The following MLXIPL variants were observed in gnomAD, a reference collection of about 807,000 sequenced individuals.
The protein encoded by MLXIPL is MLX interacting protein like, also known as carbohydrate-responsive element-binding protein.
A neutral mutation model predicts 81.5 loss-of-function variants in MLXIPL; 49 were observed. The ratio of observed to expected loss-of-function variants is 0.60; its 90% CI spans 0.48 to 0.76. The LOEUF (loss-of-function observed/expected upper bound fraction) is 0.76, where lower values mean the gene tolerates loss of function less well. Among genes scored for constraint, MLXIPL ranks in the 30% least tolerant of loss-of-function variants. The pLI is 0.00. For synonymous variants in MLXIPL, 466 were observed against 485.5 expected, an observed-to-expected ratio of 0.96 and a Z score of 0.53; for missense variants, 1,053 against 1,167.0, an observed-to-expected ratio of 0.90 and a Z score of 1.42.
At chr7:73,637,560 C>G in the MLXIPL span, among the ~76,000 whole-genome samples, 2 of 152,104 alleles carry the variant, frequency 1.3e-5, no homozygotes, top group South Asian at 4.1e-4. Context: ...ACTCATATGT[C>G]CTTTGCCAAT....
At chr7:73,616,273 G>A (rs1796004035) in intron 1 of MLXIPL, 96 bp from the exon 2 acceptor site, 17 of 1,106,506 alleles carry the variant, frequency 1.5e-5, no homozygotes, top group Non-Finnish European at 2.0e-5. Flanking sequence ...ATCTATGGTT[G>A]GCATTTGAGG....
rs2116183381 is a variant in MLXIPL, at chr7:73,596,649, T to G, written c.1812A>C (p.Pro604=). ...LVPKAERLSP[P]APSGSERRLS... ...AACCCCTCTCTTTACCGCTGGGCGC[T>G]GGGGGTGAGAGCCGCTCCGCTTTGG... Residue 604 remains proline (P), a synonymous_variant, in exon 11 of 17, where the codon CCA becomes CCC. Transcript: ENST00000313375. This position sits in a 1 kb window ranked among gnomAD's most constrained non-coding sequence, Gnocchi z 4.7. 1 of 1,595,652 alleles carries G rather than the reference T, an allele frequency of 6.3e-7. No homozygotes were observed. The highest frequency in any genetic ancestry group is 8.5e-7 in the Non-Finnish European group (1 of 1,171,004).
Position 73,597,200 on chromosome 7 carries a change from T to C in MLXIPL, c.1585A>G (p.Thr529Ala). ...CCCTCACCTGCTGTGAGCAGCTGTG[T>C]GAGGCAGGGGTTGTTGCTCCCCGCA... ...TTAGSNNPCL[T>A]QLLTAAKPEQ... The change falls in exon 9 of 17, where the codon ACA (threonine) becomes GCA (alanine). Residue 529 changes from threonine (T) to alanine (A), a missense_variant. Thr to Ala is a moderately conservative substitution (Grantham distance 58). This residue lies in a region of MLXIPL where 823 missense variants were observed against 933.0 expected (regional missense o/e 0.88). Transcript: ENST00000313375. The C allele has an allele frequency of 6.2e-7, 1 of 1,604,548 alleles. No homozygotes were observed. The highest frequency in any genetic ancestry group is 8.5e-7 in the Non-Finnish European group (1 of 1,177,982).
chr7:73,644,148 T>C, the MLXIPL span, among the ~76,000 whole-genome samples: 1 of 152,070 alleles, frequency 6.6e-6, no homozygotes, highest in African/African-American at 2.4e-5. Flanking sequence ...TCCTCCTGCC[T>C]TGGCCTCCCA....
chr7:73,604,911 C>A (rs959270447), intron 7 of MLXIPL, among the ~76,000 whole-genome samples: 4 of 151,876 alleles, frequency 2.6e-5, no homozygotes, highest in Non-Finnish European at 4.4e-5. Flanking sequence ...ATCACAGGTG[C>A]CTGCCACCAC....
chr7:73,628,085 G>T (rs1179768904), upstream of MLXIPL, among the ~76,000 whole-genome samples: 1 of 152,110 alleles, frequency 6.6e-6, no homozygotes, highest in Non-Finnish European at 1.5e-5. Flanking sequence ...GCCTCCCAAA[G>T]TGCTGAGACT....
intron 2 of MLXIPL, among the ~76,000 whole-genome samples, chr7:73,614,844 C>T (rs1377723907): frequency 6.7e-6 from 1 of 148,572 alleles, no homozygotes; most frequent in Non-Finnish European, 1.5e-5. Flanking sequence ...GGAGTCTCGC[C>T]CTGTCGCCCA....
chr7:73,614,872 G>A (rs944929457), intron 2 of MLXIPL, among the ~76,000 whole-genome samples: 14 of 146,948 alleles, frequency 9.5e-5, no homozygotes, highest in African/African-American at 1.8e-4. Flanking sequence ...GTGCAGCGGC[G>A]CGATCTCAGC....
At chr7:73,636,928 C>T in the MLXIPL span, among the ~76,000 whole-genome samples, 5 of 151,510 alleles carry the variant, frequency 3.3e-5, no homozygotes, top group African/African-American at 7.3e-5. Context: ...GGCATGGTGG[C>T]GGATGCCTGT....
At position 73,596,746 on chromosome 7, in the gene MLXIPL, G is replaced by T. The variant is rs199616981; in HGVS notation, c.1715C>A (p.Thr572Asn). The T allele has an allele frequency of 2.7e-4, 428 of 1,597,852 alleles. 1 individual carries two copies. The highest frequency in any genetic ancestry group is 8.4e-4 in the Middle Eastern group (5 of 5,968). The change falls in exon 11 of 17, where the codon ACC (threonine) becomes AAC (asparagine). Residue 572 changes from threonine to asparagine, a missense_variant. Around this residue, in one of 3 missense-constraint regions of MLXIPL, gnomAD observed 823 missense variants for 933.0 expected, o/e 0.88. Coordinates refer to ENST00000313375, the MANE Select transcript of MLXIPL (RefSeq NM_032951.3). The surrounding 1 kb of genome is among the most constrained non-coding windows in gnomAD (Gnocchi z 4.7). Reference sequence around the variant, plus strand: ...TGGCCGGGGCGGTGTAGGGGCCGGGGTCGGGGGAAGGAATGTGCAGGGGAA... The same window carrying T: ...TGGCCGGGGCGGTGTAGGGGCCGGGTTCGGGGGAAGGAATGTGCAGGGGAA... ...PEFPCTFLPP[T>N]PAPTPPRPPP...
At chr7:73,609,001 G>T (rs890876969) in intron 2 of MLXIPL, among the ~76,000 whole-genome samples, 1 of 152,030 alleles carries the variant, frequency 6.6e-6, no homozygotes, top group Admixed American at 6.6e-5. Context: ...TAGAGACAGG[G>T]TCTCCCTGTG....
intron 5 of MLXIPL, 50 bp from the exon 6 acceptor site, chr7:73,606,161 A>G (rs1451801319): frequency 1.2e-5 from 19 of 1,528,848 alleles, no homozygotes; most frequent in Admixed American, 2.0e-5. Flanking sequence ...CACTGCCCCG[A>G]TCTTCCATAT....
chr7:73,641,181 T>G, the MLXIPL span, among the ~76,000 whole-genome samples: 1 of 152,062 alleles, frequency 6.6e-6, no homozygotes, highest in African/African-American at 2.4e-5. Context: ...TAGTCCCAGC[T>G]ACCAGGGAGA....
intron 2 of MLXIPL, among the ~76,000 whole-genome samples, chr7:73,613,669 G>A (rs1219671718): frequency 1.3e-5 from 2 of 152,178 alleles, no homozygotes; most frequent in African/African-American, 2.4e-5. Context: ...CTTCGACTCC[G>A]GGAGGCTAGA....
intron 3 of MLXIPL, 60 bp downstream of exon 3, chr7:73,607,530 G>A: frequency 6.3e-7 from 1 of 1,589,868 alleles, no homozygotes; most frequent in Non-Finnish European, 8.6e-7. Context: ...CAGGAGGCAG[G>A]GGCTGGTCTT....
At position 73,599,664 on chromosome 7, in the gene MLXIPL, C is replaced by A. The variant is rs782528604; in HGVS notation, c.933G>T (p.Pro311=). The A allele has an allele frequency of 6.2e-7, 1 of 1,607,370 alleles. No homozygotes were observed. Among genetic ancestry groups the A allele is most frequent in the Non-Finnish European group, 8.5e-7 (1 of 1,176,602 alleles). ...DFFTNSRLPQ[P]PMPSNFPEPP... ...GCTCTGGGAAGTTTGAAGGCATGGG[C>A]GGCTGTGGGAGGCGGGAGTTGGTAA... Residue 311 remains proline, a synonymous_variant, in exon 8 of 17, where the codon CCG becomes CCT. Transcript: ENST00000313375.
the MLXIPL span, among the ~76,000 whole-genome samples, chr7:73,636,732 A>G: frequency 1.3e-5 from 2 of 152,170 alleles, no homozygotes; most frequent in African/African-American, 2.4e-5. Flanking sequence ...GATAAACACA[A>G]AAATTCAGAG....
In MLXIPL at chr7:73,599,612, A is replaced by G; in HGVS notation, c.985T>C (p.Ser329Pro). 1 of 1,611,646 alleles carries G rather than the reference A, an allele frequency of 6.2e-7. No individual in the cohort carries two copies. The highest frequency in any genetic ancestry group is 8.5e-7 in the Non-Finnish European group (1 of 1,178,604). The change falls in exon 8 of 17, where the codon TCC (serine) becomes CCC (proline). Residue 329 changes from serine to proline, a missense_variant. Transcript: ENST00000313375. ...CCCAGGGTCCCACTGCTGAAGAGGG[A>G]GTCAACCACGGGGCTGAAGCTGGGG... ...EPPSFSPVVD[S>P]LFSSGTLGPE... is the part of the protein sequence containing the mutation.
chr7:73,606,421 T>C (rs1214900197), intron 5 of MLXIPL: 2 of 465,100 alleles, frequency 4.3e-6, no homozygotes, highest in East Asian at 3.7e-5. Flanking sequence ...GTTTTCTTTT[T>C]CTTTTTCTTT....
Sources: gnomAD v4.1 joint callset for allele counts (sites outside exome capture counted in the v4.1 genomes callset) on GRCh38, gnomAD v4.1.1 for gene constraint, gnomAD v4.1.1 regional missense constraint, Gnocchi (gnomAD v3.1) non-coding constraint, MANE v1.5 for transcripts, NCBI Gene and HGNC (gene_info 2026-07-23, HGNC 2026-07-21) for gene names.